HRH4: variants seen among roughly 807,000 people sequenced by gnomAD.
HRH4 encodes the protein histamine H4 receptor.
HRH4 carries 12 observed loss-of-function variants against 10.4 expected under a neutral mutation model. That is an observed-to-expected ratio of 1.15 (90% CI 0.74 to 1.87). The LOEUF (loss-of-function observed/expected upper bound fraction) is 1.87, where lower values mean the gene tolerates loss of function less well. Ranked by LOEUF, HRH4 falls within the 40% of genes most tolerant of loss-of-function variation. HRH4 has a pLI of 0.00. For synonymous variants in HRH4, 154 were observed against 166.6 expected (o/e 0.92, Z 0.58); for missense variants, 415 against 453.3 (o/e 0.92, Z 0.77).
intron 1 of HRH4, among the ~76,000 whole-genome samples, chr18:24,462,589 G>C (rs1001577105): frequency 6.6e-6 from 1 of 152,150 alleles, no homozygotes; most frequent in Non-Finnish European, 1.5e-5. Flanking sequence ...GACTAAGAAC[G>C]GTACGGTGCT....
At chr18:24,467,575 G>A (rs745463341) in intron 1 of HRH4, among the ~76,000 whole-genome samples, 7 of 152,028 alleles carry the variant, frequency 4.6e-5, no homozygotes, top group Non-Finnish European at 8.8e-5. Context: ...ACAGAGTTTT[G>A]CTCTGTCACC....
Position 24,477,796 on chromosome 18 carries a change from T to G in HRH4, c.*234T>G. On this transcript the variant is annotated 3_prime_UTR_variant, in exon 3 of 3. Transcript: ENST00000256906. The stretch of plus-strand genomic sequence containing the variant: ...CACCTCTTCCTTGTCTTTTAGATCT[T>G]AATTTCATGCTGATTACAAAAATCC... 2.7e-6 allele frequency: 1 copy of G among 372,054 alleles called. No homozygotes were observed. Among genetic ancestry groups the G allele is most frequent in the Non-Finnish European group, 4.8e-6 (1 of 207,980 alleles). 23.0% of individuals were successfully genotyped at this position (372,054 alleles called of 1,614,324 possible).
rs777124514 is a variant in HRH4, at chr18:24,477,189, T to A, written c.800T>A (p.Met267Lys). The A allele has an allele frequency of 5.6e-6, 9 of 1,614,112 alleles. No homozygotes were observed. In the Admixed American group the frequency reaches 1.5e-4, roughly 27 times the overall value. ...CTCATGTTTTCCTCAAGAACCAAGA[T>A]GAATAGCAATACAATTGCTTCCAAA... is the stretch of plus-strand genomic sequence containing the variant. ...SSLMFSSRTK[M>K]NSNTIASKMG... The change falls in exon 3 of 3, where the codon ATG (methionine) becomes AAG (lysine). Residue 267 changes from methionine to lysine, a missense_variant. Transcript: ENST00000256906.
chr18:24,463,607 A>C (rs1422607174), intron 1 of HRH4, among the ~76,000 whole-genome samples: 1 of 152,186 alleles, frequency 6.6e-6, no homozygotes, highest in Admixed American at 6.5e-5. Context: ...TGAGATCCAG[A>C]GCTCCAGAGC....
At chr18:24,466,840 C>T (rs543078250) in intron 1 of HRH4, among the ~76,000 whole-genome samples, 5 of 152,306 alleles carry the variant, frequency 3.3e-5, no homozygotes, top group African/African-American at 1.2e-4. Flanking sequence ...CTTAATAGAT[C>T]ATATTCTTAG....
intron 1 of HRH4, among the ~76,000 whole-genome samples, chr18:24,465,361 C>T (rs897330143): frequency 2.0e-5 from 3 of 151,960 alleles, no homozygotes; most frequent in East Asian, 1.9e-4. Context: ...GAGCATTTCA[C>T]GCCAAGGAAC....
chr18:24,467,636 CG>C (rs1191557048), intron 1 of HRH4, among the ~76,000 whole-genome samples: 1 of 152,096 alleles, frequency 6.6e-6, no homozygotes, highest in African/African-American at 2.4e-5. Context: ...CTCCATCTCC[CG>C]GGTTCAAGCG....
Position 24,477,192 on chromosome 18 carries a change from A to G in HRH4, c.803A>G (p.Asn268Ser), listed in dbSNP as rs1471410364. The G allele has an allele frequency of 6.2e-7, 1 of 1,614,178 alleles. No individual in the cohort carries two copies. Among genetic ancestry groups the G allele is most frequent in the Non-Finnish European group, 8.5e-7 (1 of 1,179,984 alleles). Residue 268 changes from asparagine (N) to serine (S), a missense_variant, in exon 3 of 3, where the codon AAT becomes AGT. Asn to Ser is a conservative substitution (Grantham distance 46, BLOSUM62 1). Coordinates refer to ENST00000256906, the MANE Select transcript of HRH4 (RefSeq NM_021624.4). Reference sequence around the variant, plus strand: ...ATGTTTTCCTCAAGAACCAAGATGAATAGCAATACAATTGCTTCCAAAATG... The same window carrying G: ...ATGTTTTCCTCAAGAACCAAGATGAGTAGCAATACAATTGCTTCCAAAATG... ...SLMFSSRTKM[N>S]SNTIASKMGS...
chr18:24,463,197 G>C (rs1055983060), intron 1 of HRH4, among the ~76,000 whole-genome samples: 1 of 152,224 alleles, frequency 6.6e-6, no homozygotes, highest in South Asian at 2.1e-4. Context: ...TGGCCCTGCA[G>C]ATGTAGTTAT....
Position 24,477,549 on chromosome 18 carries a change from C to T in HRH4, c.1160C>T (p.Ser387Leu). The T allele has an allele frequency of 6.4e-7, 1 of 1,565,642 alleles. No individual in the cohort carries two copies. The highest frequency in any genetic ancestry group is 8.6e-7 in the Non-Finnish European group (1 of 1,159,142). Residue 387 changes from serine (S) to leucine (L), a missense_variant, in exon 3 of 3, where the codon TCA (serine) becomes TTA (leucine). Coordinates refer to ENST00000256906, the MANE Select transcript of HRH4 (RefSeq NM_021624.4). ...KQPLPSQHSRSVSS is the reference protein window; with the variant it reads ...KQPLPSQHSRLVSS Reference sequence around the variant, plus strand: ...CCTCTACCATCACAACACAGTCGGTCAGTATCTTCTTAAAGACAATTTTCT... The same window carrying T: ...CCTCTACCATCACAACACAGTCGGTTAGTATCTTCTTAAAGACAATTTTCT...
rs1436484233 is a variant in HRH4 at position 24,479,952 on chromosome 18, A to C, written c.*2390A>C. ...AAAATTTGAGAAATAAACTCTCATA[A>C]ATGCACACATTTTTATAAACTTGCT... On this transcript the variant is annotated 3_prime_UTR_variant, in exon 3 of 3. Coordinates refer to ENST00000256906, the MANE Select transcript of HRH4 (RefSeq NM_021624.4). 1 of 152,106 alleles carries C rather than the reference A, an allele frequency of 6.6e-6. No homozygotes were observed. Among genetic ancestry groups the C allele is most frequent in the East Asian group, 1.9e-4 (1 of 5,188 alleles). 9.4% of individuals were successfully genotyped at this position (152,106 alleles called of 1,614,324 possible).
In HRH4 at chr18:24,479,603, C is replaced by T. The variant is rs1366435945; in HGVS notation, c.*2041C>T. ...AGCTGGGACCGCAGGCACTTGCCAC[C>T]ACGCCCCACTAAAAATTTTTTAAAT... is the stretch of plus-strand genomic sequence containing the variant. On this transcript the variant is annotated 3_prime_UTR_variant, in exon 3 of 3. Transcript: ENST00000256906. 2 of 152,202 alleles carry T rather than the reference C, an allele frequency of 1.3e-5. No individual in the cohort carries two copies. The highest frequency in any genetic ancestry group is 4.8e-5 in the African/African-American group (2 of 41,444). The allele number at this position is 152,202 out of a possible 1,614,324, so 9.4% of individuals were successfully genotyped here. A position where few individuals can be genotyped will look rare whatever the true frequency, so the allele number is the denominator to read the frequency against.
chr18:24,461,819 A>G (rs547566275), intron 1 of HRH4, among the ~76,000 whole-genome samples: 61 of 150,714 alleles, frequency 4.0e-4, no homozygotes, highest in Non-Finnish European at 7.8e-4. Flanking sequence ...AATCTAGGTC[A>G]CAAATGTTAG....
intron 2 of HRH4, among the ~76,000 whole-genome samples, chr18:24,473,000 C>T (rs909176580): frequency 9.9e-5 from 15 of 152,040 alleles, no homozygotes; most frequent in Non-Finnish European, 1.9e-4. Context: ...ACTAAAAATA[C>T]AAAAATCAGC....
At chr18:24,462,890 A>G (rs1454652163) in intron 1 of HRH4, among the ~76,000 whole-genome samples, 1 of 152,206 alleles carries the variant, frequency 6.6e-6, no homozygotes, top group East Asian at 1.9e-4. Context: ...ATTTATGTGA[A>G]CATAGAGAAA....
chr18:24,465,484 C>T (rs1485799200), intron 1 of HRH4, among the ~76,000 whole-genome samples: 1 of 151,910 alleles, frequency 6.6e-6, no homozygotes, highest in Non-Finnish European at 1.5e-5. Context: ...GAGGTGGGGG[C>T]ATATAGCTTG....
rs986307452 is a variant in HRH4 at position 24,479,943 on chromosome 18, A to G, written c.*2381A>G. On this transcript the variant is annotated 3_prime_UTR_variant, in exon 3 of 3. Coordinates refer to ENST00000256906, the MANE Select transcript of HRH4 (RefSeq NM_021624.4). The stretch of plus-strand genomic sequence containing the variant: ...ATAATTTTAAAAATTTGAGAAATAA[A>G]CTCTCATAAATGCACACATTTTTAT... 2 of 152,020 alleles carry G rather than the reference A, an allele frequency of 1.3e-5. No homozygotes were observed. Among genetic ancestry groups the G allele is most frequent in the Non-Finnish European group, 2.9e-5 (2 of 68,014 alleles). The allele number at this position is 152,020 out of a possible 1,614,324, so 9.4% of individuals were successfully genotyped here. A position where few individuals can be genotyped will look rare whatever the true frequency, so the allele number is the denominator to read the frequency against.
chr18:24,461,482 A>G (rs1909636766), intron 1 of HRH4, among the ~76,000 whole-genome samples: 1 of 152,204 alleles, frequency 6.6e-6, no homozygotes, highest in Non-Finnish European at 1.5e-5. Flanking sequence ...TTAAGAGACC[A>G]TAGAAATCAA....
intron 1 of HRH4, among the ~76,000 whole-genome samples, chr18:24,463,413 C>A (rs1015409046): frequency 8.5e-5 from 13 of 152,160 alleles, no homozygotes; most frequent in Non-Finnish European, 1.6e-4. Context: ...TGACACAGTC[C>A]CTGGGAGCTT....
Sources: allele counts gnomAD v4.1 joint callset (sites outside exome capture counted in the v4.1 genomes callset), GRCh38; gene constraint gnomAD v4.1.1; transcripts MANE v1.5; gene names NCBI Gene and HGNC (gene_info 2026-07-23, HGNC 2026-07-21).